ARL9: variants seen among roughly 807,000 people sequenced by gnomAD.
The protein encoded by ARL9 is ARF like GTPase 9, also known as ADP-ribosylation factor-like protein 9.
ARL9 carries 14 observed loss-of-function variants against 27.0 expected under a neutral mutation model. The observed-to-expected ratio is 0.52, with a 90% CI of 0.34 to 0.81. ARL9 has a LOEUF of 0.81. ARL9 is among the 30% of genes least tolerant of loss of function. The pLI is 0.01. For synonymous variants in ARL9, 106 were observed against 108.7 expected (o/e 0.98, Z 0.15); for missense variants, 294 against 290.0 (o/e 1.01, Z -0.10).
At chr4:56,523,128 G>A (rs1721971984) in intron 3 of ARL9, among the ~76,000 whole-genome samples, 1 of 152,232 alleles carries the variant, frequency 6.6e-6, no homozygotes, top group Non-Finnish European at 1.5e-5. Context: ...GCTCATGCCT[G>A]TAATCCCAGC....
chr4:56,517,387 A>G (rs1721794515), intron 2 of ARL9, among the ~76,000 whole-genome samples: 1 of 152,236 alleles, frequency 6.6e-6, no homozygotes, highest in African/African-American at 2.4e-5. Flanking sequence ...CAAGAACTAC[A>G]TAGGAACTAA....
intron 3 of ARL9, among the ~76,000 whole-genome samples, chr4:56,523,192 C>T (rs2110157761): frequency 6.6e-6 from 1 of 152,222 alleles, no homozygotes; most frequent in African/African-American, 2.4e-5. Flanking sequence ...TTGACACCAG[C>T]CTGAGCAACA....
rs545837701 is a variant in ARL9 at position 56,511,009 on chromosome 4, G to T, written c.280-176G>T. The stretch of plus-strand genomic sequence containing the variant: ...GCTGGTCTGGAACTTCTGACCTCAA[G>T]AGATCCTCCTGCCTCGGCCTCCCAA... On this transcript the variant is annotated intron_variant, in intron 1 of 3. Transcript: ENST00000640821. 5.1e-4 allele frequency among the ~76,000 whole-genome samples: 77 copies of T among 152,256 alleles called. No individual in the cohort carries two copies. The South Asian group carries it at 7.7e-3, about 15-fold the overall frequency.
Position 56,523,818 on chromosome 4 carries a change from C to A in ARL9, c.740C>A (p.Pro247His). Reference protein sequence around the residue: ...TYLTKNGSEIPSTMQDAKDLI... With the variant: ...TYLTKNGSEIHSTMQDAKDLI... ...CTGACTAAGAATGGCTCAGAGATACCCTCCACCATGCAAGATGCCAAAGAC... is the reference window on the plus strand; with the variant it reads ...CTGACTAAGAATGGCTCAGAGATACACTCCACCATGCAAGATGCCAAAGAC... The change falls in exon 4 of 4, where the codon CCC becomes CAC. Residue 247 changes from proline to histidine, a missense_variant. Coordinates refer to ENST00000640821, the MANE Select transcript of ARL9 (RefSeq NM_001363794.2). 1 of 1,613,928 alleles carries A rather than the reference C, an allele frequency of 6.2e-7. No individual in the cohort carries two copies. The highest frequency in any genetic ancestry group is 1.1e-5 in the South Asian group (1 of 91,088).
rs946404783 is a variant in ARL9 at position 56,512,250 on chromosome 4, C to T, written c.442+903C>T. Among the ~76,000 whole-genome samples the T allele has an allele frequency of 1.3e-5, 2 of 152,204 alleles. 1 individual carries two copies. Among genetic ancestry groups the T allele is most frequent in the Non-Finnish European group, 2.9e-5 (2 of 68,040 alleles). ...CTGTTTACGAAGAGAAGTATTTTAA[C>T]ACATACTTTTAAGTACATCATTTGC... On this transcript the variant is annotated intron_variant, in intron 2 of 3. Transcript: ENST00000640821.
chr4:56,505,887 AAAGAG>A lies in ARL9; in HGVS notation c.29_33del (p.Glu10GlyfsTer14), dbSNP rs1279271465. On this transcript the variant is annotated frameshift_variant, in exon 1 of 4. Coordinates refer to ENST00000640821, the MANE Select transcript of ARL9 (RefSeq NM_001363794.2). LOFTEE classifies it high-confidence loss of function. ...GATGGAGAGGGGGAAAGTGAAGAAG[AAAGAG>A]AAGGAAAAGGAGACGCAGGAGGAGA... The A allele has an allele frequency of 9.5e-6, 12 of 1,259,968 alleles. No homozygotes were observed. Among genetic ancestry groups the A allele is most frequent in the African/African-American group, 1.5e-5 (1 of 64,530 alleles). The allele number at this position is 1,259,968 out of a possible 1,614,324, so 78.0% of individuals were successfully genotyped here.
chr4:56,505,777 G>A, upstream of ARL9: 1 of 1,360,992 alleles, frequency 7.3e-7, no homozygotes, highest in Non-Finnish European at 9.4e-7. Flanking sequence ...TGTCGGGCGT[G>A]CACCTCGGGA....
chr4:56,519,437 C>T (rs1721856306), intron 3 of ARL9, among the ~76,000 whole-genome samples: 1 of 152,160 alleles, frequency 6.6e-6, no homozygotes, highest in African/African-American at 2.4e-5. Context: ...TGGTGAAACC[C>T]TGTCTCTACT....
intron 3 of ARL9, among the ~76,000 whole-genome samples, chr4:56,520,314 T>C (rs1365767243): frequency 1.3e-5 from 2 of 152,340 alleles, no homozygotes; most frequent in East Asian, 3.9e-4. Flanking sequence ...CAATGGGATC[T>C]TGTTCAGCCT....
chr4:56,506,745 G>A (rs1040366299), intron 1 of ARL9: 28 of 901,738 alleles, frequency 3.1e-5, no homozygotes, highest in Non-Finnish European at 3.6e-5. Flanking sequence ...TTGGCTTAGA[G>A]CTGCGCTCTG....
At chr4:56,519,209 A>G (rs1578214089) in intron 3 of ARL9, among the ~76,000 whole-genome samples, 1 of 152,240 alleles carries the variant, frequency 6.6e-6, no homozygotes. Context: ...CTACACATGC[A>G]TTAAAAATAT....
At chr4:56,522,045 G>A (rs1035721561) in intron 3 of ARL9, among the ~76,000 whole-genome samples, 6 of 150,690 alleles carry the variant, frequency 4.0e-5, no homozygotes, top group Admixed American at 3.3e-4. Flanking sequence ...GAGTACAGTG[G>A]TGTGATCTCG....
At chr4:56,516,584 C>CAAA (rs10718013) in intron 2 of ARL9, among the ~76,000 whole-genome samples, 4 of 120,842 alleles carry the variant, frequency 3.3e-5, no homozygotes, top group Non-Finnish European at 5.3e-5. Context: ...TCAAATTAGG[C>CAAA]AAAAAAAAAA....
chr4:56,510,456 G>A (rs1339955237), intron 1 of ARL9, among the ~76,000 whole-genome samples: 1 of 151,758 alleles, frequency 6.6e-6, no homozygotes, highest in Admixed American at 6.6e-5. Context: ...TGAGACCTTA[G>A]ATGCTTATGC....
chr4:56,510,076 G>A (rs1386505244), intron 1 of ARL9, among the ~76,000 whole-genome samples: 1 of 151,840 alleles, frequency 6.6e-6, no homozygotes, highest in African/African-American at 2.4e-5. Flanking sequence ...TTATAAGAGG[G>A]AGGCTGGGTG....
chr4:56,505,446 G>A, upstream of ARL9: 1 of 461,608 alleles, frequency 2.2e-6, no homozygotes, highest in South Asian at 1.5e-5. Flanking sequence ...GGAGACGTCA[G>A]ACGCTAAGGT....
rs560292563 is a variant in ARL9, at chr4:56,509,569, C to G, written c.280-1616C>G. ...TTTTTTTTTGAGACGTTGTCTTGCT[C>G]TGTTGCCCAGGCTGGAGTGCAATGG... On this transcript the variant is annotated intron_variant, in intron 1 of 3. Coordinates refer to ENST00000640821, the MANE Select transcript of ARL9 (RefSeq NM_001363794.2). 1.6e-4 allele frequency among the ~76,000 whole-genome samples: 24 copies of G among 150,678 alleles called. 1 individual carries two copies. The South Asian group carries it at 4.9e-3, about 30-fold the overall frequency.
chr4:56,519,567 G>A (rs1216301391), intron 3 of ARL9, among the ~76,000 whole-genome samples: 1 of 151,802 alleles, frequency 6.6e-6, no homozygotes, highest in African/African-American at 2.4e-5. Flanking sequence ...CCAAGATCGC[G>A]CCACTGCACT....
At chr4:56,506,992 C>T (rs1721484985) in intron 1 of ARL9, among the ~76,000 whole-genome samples, 1 of 152,066 alleles carries the variant, frequency 6.6e-6, no homozygotes, top group Non-Finnish European at 1.5e-5. Context: ...GCTGGAGTTT[C>T]GCCATGTAGC....
Sources: allele counts gnomAD v4.1 joint callset (sites outside exome capture counted in the v4.1 genomes callset), GRCh38; gene constraint gnomAD v4.1.1; transcripts MANE v1.5; gene names NCBI Gene and HGNC (gene_info 2026-07-23, HGNC 2026-07-21).